Variants in ZNF432 observed in about 807,000 individuals in gnomAD.
ZNF432 encodes zinc finger protein 432.
Under a neutral mutation model 13.9 loss-of-function variants are expected in ZNF432, and 10 were observed. The ratio of observed to expected loss-of-function variants is 0.72; its 90% CI spans 0.44 to 1.22. ZNF432 has a LOEUF of 1.22. ZNF432 is among the 50% of genes most tolerant of loss of function. The pLI is 0.00. For synonymous variants in ZNF432, 247 were observed against 256.2 expected (o/e 0.96, Z 0.34); for missense variants, 793 against 796.2 (o/e 1.00, Z 0.05).
At position 52,046,949 on chromosome 19, in the gene ZNF432, G is replaced by C. The variant is rs55932673; in HGVS notation, c.-81C>G. 9,498 of 1,504,068 alleles carry C rather than the reference G, an allele frequency of 6.3e-3. 365 individuals are homozygous for C. The African/African-American group carries it at 0.092, about 15-fold the overall frequency. The allele number at this position is 1,504,068 out of a possible 1,614,324, so 93.2% of individuals were successfully genotyped here. The stretch of plus-strand genomic sequence containing the variant: ...TGGATCTGCCTTAAATTTCTATTTA[G>C]AAACTTCAGTCACCAGTGAAGGGTG... On this transcript the variant is annotated 5_prime_UTR_variant, in exon 2 of 5. Transcript: ENST00000221315.
Position 52,039,212 on chromosome 19 carries a change from ATT to A in ZNF432, c.238+1274_238+1275del, listed in dbSNP as rs2087111243. ...CTCCTGGACTACAAATGACCTGGCA[ATT>A]CTACTCCTAGGTGAAGGCTCAAGAA... On this transcript the variant is annotated intron_variant, in intron 4 of 4. Transcript: ENST00000221315. Among the ~76,000 whole-genome samples the A allele has an allele frequency of 2.0e-5, 3 of 152,322 alleles. No individual in the cohort carries two copies. The South Asian group carries it at 6.2e-4, about 32-fold the overall frequency.
chr19:52,040,068 G>C (rs1447742237), intron 4 of ZNF432, among the ~76,000 whole-genome samples: 1 of 151,952 alleles, frequency 6.6e-6, no homozygotes, highest in East Asian at 1.9e-4. Context: ...TCTATAATGG[G>C]AAAAACACAT....
At chr19:52,037,521 G>A (rs113140567) in intron 4 of ZNF432, among the ~76,000 whole-genome samples, 12 of 152,182 alleles carry the variant, frequency 7.9e-5, no homozygotes, top group African/African-American at 2.6e-4. Flanking sequence ...TCAAGGCCAG[G>A]CACGGTGGCT....
chr19:52,040,494 A>G lies in ZNF432; in HGVS notation c.232T>C (p.Cys78Arg), dbSNP rs761850187. The G allele has an allele frequency of 2.5e-6, 4 of 1,614,048 alleles. No individual in the cohort carries two copies. Among genetic ancestry groups the G allele is most frequent in the Non-Finnish European group, 3.4e-6 (4 of 1,179,904 alleles). Reference sequence around the variant, plus strand: ...CTTGCTGCTTCTCACATACCTGGACAGATTCGACTGTGCCTTTCATCTTCC... The same window carrying G: ...CTTGCTGCTTCTCACATACCTGGACGGATTCGACTGTGCCTTTCATCTTCC... Reference protein sequence around the residue: ...TMEDERHSRICPENNEVDDHL... With the variant: ...TMEDERHSRIRPENNEVDDHL... Residue 78 changes from cysteine (C) to arginine (R), a missense_variant, in exon 4 of 5, where the codon TGT becomes CGT. Coordinates refer to ENST00000221315, the MANE Select transcript of ZNF432 (RefSeq NM_014650.4).
rs972353748 is a variant in ZNF432 at position 52,045,422 on chromosome 19, T to C, written c.15+1432A>G. 3.4e-5 allele frequency among the ~76,000 whole-genome samples: 5 copies of C among 146,456 alleles called. No individual in the cohort carries two copies. The Admixed American group carries it at 3.5e-4, about 10-fold the overall frequency. On this transcript the variant is annotated intron_variant, in intron 2 of 4. Coordinates refer to ENST00000221315, the MANE Select transcript of ZNF432 (RefSeq NM_014650.4). ...CCCAGGCTGGAGTGCAATGGCATGA[T>C]CTCGGCTCACCACAACCTCCACCTC...
intron 4 of ZNF432, among the ~76,000 whole-genome samples, chr19:52,037,488 C>T (rs2087093453): frequency 1.3e-5 from 2 of 152,140 alleles, no homozygotes; most frequent in African/African-American, 4.8e-5. Context: ...CAATCACATT[C>T]TGCATGCAGT....
chr19:52,037,101 A>G (rs1316197958), intron 4 of ZNF432, among the ~76,000 whole-genome samples: 2 of 152,258 alleles, frequency 1.3e-5, no homozygotes, highest in Non-Finnish European at 2.9e-5. Context: ...TACAAAGATC[A>G]GGGTAATATG....
rs1213798287 is a variant in ZNF432 at position 52,035,511 on chromosome 19, A to C, written c.239-71T>G. On this transcript the variant is annotated intron_variant, in intron 4 of 4. Transcript: ENST00000221315. ...ATAAAACTGTCTTCTTAGAAAAAAA[A>C]ATCCTTGGTGTTTTATTTTGTTTAT... is the stretch of plus-strand genomic sequence containing the variant. 4.8e-6 allele frequency: 6 copies of C among 1,254,728 alleles called. No individual in the cohort carries two copies. In the Admixed American group the frequency reaches 1.6e-4, roughly 34 times the overall value. The allele number at this position is 1,254,728 out of a possible 1,614,324, so 77.7% of individuals were successfully genotyped here.
At chr19:52,044,051 C>A (rs2087159763) in intron 2 of ZNF432, among the ~76,000 whole-genome samples, 1 of 152,112 alleles carries the variant, frequency 6.6e-6, no homozygotes, top group African/African-American at 2.4e-5. Flanking sequence ...GTCTCTCGTT[C>A]CACCTTACGA....
chr19:52,035,932 A>G (rs1320440557), intron 4 of ZNF432, among the ~76,000 whole-genome samples: 1 of 152,212 alleles, frequency 6.6e-6, no homozygotes. Context: ...ATATAAACAA[A>G]CCAAAAAGTA....
chr19:52,035,870 C>T (rs995824998), intron 4 of ZNF432, among the ~76,000 whole-genome samples: 1 of 152,000 alleles, frequency 6.6e-6, no homozygotes, highest in Non-Finnish European at 1.5e-5. Context: ...GACAATACTA[C>T]AATAATAGTA....
chr19:52,034,311 GGGC>G lies in ZNF432; in HGVS notation c.1365_1367del (p.Lys455_Pro456delinsAsn). ...CTTTCCCACATTCACTGCATGTGTAGGGCTTCTCTCCTGTATGAGTTCGCTGAT... is the reference window on the plus strand; with the variant it reads ...CTTTCCCACATTCACTGCATGTGTAGTTCTCTCCTGTATGAGTTCGCTGAT... On this transcript the variant is annotated inframe_deletion, in exon 5 of 5. Transcript: ENST00000221315. 1.9e-6 allele frequency: 3 copies of G among 1,609,380 alleles called. No individual in the cohort carries two copies. In the Admixed American group the frequency reaches 5.0e-5, roughly 27 times the overall value.
chr19:52,035,504 A>G, intron 4 of ZNF432, 64 bp from the exon 5 acceptor site: 1 of 1,257,206 alleles, frequency 8.0e-7, no homozygotes, highest in Non-Finnish European at 1.1e-6. Context: ...GTCTTCTTAG[A>G]AAAAAAAATC....
intron 2 of ZNF432, among the ~76,000 whole-genome samples, chr19:52,045,350 ACC>A: frequency 8.7e-6 from 1 of 115,532 alleles, no homozygotes; most frequent in Non-Finnish European, 1.8e-5. Context: ...TACTTTTTTT[ACC>A]TTTTTTTTTT....
Position 52,041,578 on chromosome 19 carries a change from ACAGTAACATCCTC to A in ZNF432, c.31_43del (p.Glu11TrpfsTer22). The A allele has an allele frequency of 1.2e-6, 2 of 1,614,146 alleles. No homozygotes were observed. Among genetic ancestry groups the A allele is most frequent in the Non-Finnish European group, 1.7e-6 (2 of 1,180,004 alleles). ...CTGCCACTCCTCCCAGGTGAACTCC[ACAGTAACATCCTC>A]CAGTGTCAGCAATTCCTGTAAGAAA... On this transcript the variant is annotated frameshift_variant, in exon 3 of 5. Coordinates refer to ENST00000221315, the MANE Select transcript of ZNF432 (RefSeq NM_014650.4). LOFTEE classifies it high-confidence loss of function.
At position 52,032,052 on chromosome 19, in the gene ZNF432, C is replaced by G. The variant is rs1004965932; in HGVS notation, c.*1668G>C. The G allele has an allele frequency of 2.0e-5, 3 of 152,164 alleles. No individual in the cohort carries two copies. Among genetic ancestry groups the G allele is most frequent in the African/African-American group, 4.8e-5 (2 of 41,434 alleles). The allele number at this position is 152,164 out of a possible 1,614,324, so 9.4% of individuals were successfully genotyped here. On this transcript the variant is annotated 3_prime_UTR_variant, in exon 5 of 5. Transcript: ENST00000221315. ...TTGATGATGCTAAGCAAAGAATACT[C>G]AGGAAACTTTTGTATATTTTGTAAT...
Position 52,032,136 on chromosome 19 carries a change from T to C in ZNF432, c.*1584A>G, listed in dbSNP as rs2087020319. 1 of 152,192 alleles carries C rather than the reference T, an allele frequency of 6.6e-6. No homozygotes were observed. The highest frequency in any genetic ancestry group is 1.5e-5 in the Non-Finnish European group (1 of 68,038). The allele number at this position is 152,192 out of a possible 1,614,324, so 9.4% of individuals were successfully genotyped here. On this transcript the variant is annotated 3_prime_UTR_variant, in exon 5 of 5. Transcript: ENST00000221315. ...TTTAGAAAAATAACATTTAAGGCATTTTTGTAAACTACATAATGGTACCTA... is the reference window on the plus strand; with the variant it reads ...TTTAGAAAAATAACATTTAAGGCATCTTTGTAAACTACATAATGGTACCTA...
At chr19:52,043,348 A>G (rs967621269) in intron 2 of ZNF432, among the ~76,000 whole-genome samples, 2 of 152,216 alleles carry the variant, frequency 1.3e-5, no homozygotes, top group South Asian at 2.1e-4. Flanking sequence ...GCTTTGTTAA[A>G]CAGATGCTTA....
chr19:52,041,796 C>T (rs1162559523), intron 2 of ZNF432, among the ~76,000 whole-genome samples, 190 bp from the exon 3 acceptor site: 3 of 152,178 alleles, frequency 2.0e-5, no homozygotes, highest in Non-Finnish European at 2.9e-5. Flanking sequence ...ATTTGCTCAA[C>T]AAAAATTAAG....
Sources: allele counts gnomAD v4.1 joint callset (sites outside exome capture counted in the v4.1 genomes callset), GRCh38; gene constraint gnomAD v4.1.1; transcripts MANE v1.5; gene names NCBI Gene and HGNC (gene_info 2026-07-23, HGNC 2026-07-21).